Variants in KCNK12 observed in about 807,000 individuals in gnomAD.
KCNK12 encodes potassium two pore domain channel subfamily K member 12, also known as potassium channel subfamily K member 12.
KCNK12 carries 6 observed loss-of-function variants against 25.3 expected under a neutral mutation model. The observed-to-expected ratio is 0.24, with a 90% CI of 0.13 to 0.47. The LOEUF is 0.47. Ranked by LOEUF, KCNK12 falls within the 20% of genes least tolerant of loss-of-function variation. The pLI is 0.99. For synonymous variants in KCNK12, 331 were observed against 311.1 expected (o/e 1.06, Z -0.67); for missense variants, 444 against 661.7 (o/e 0.67, Z 3.61).
intron 1 of KCNK12, among the ~76,000 whole-genome samples, chr2:47,522,631 T>C (rs1033949431): frequency 2.6e-5 from 4 of 152,220 alleles, no homozygotes. Context: ...TATGCCACCA[T>C]GTCCAGTGAA....
At position 47,512,233 on chromosome 2, in the gene KCNK12, C is replaced by T; in HGVS notation, c.*8674G>A. 3.8e-6 allele frequency: 6 copies of T among 1,573,736 alleles called. No homozygotes were observed. The highest frequency in any genetic ancestry group is 3.5e-4 in the Middle Eastern group (2 of 5,634). ...GGGTCAGGTACTCTGCAGATGTTTG[C>T]TGAGTATCGTTCTTGATGGAAATCC... On this transcript the variant is annotated 3_prime_UTR_variant, in exon 2 of 2. Transcript: ENST00000327876.
intron 1 of KCNK12, among the ~76,000 whole-genome samples, chr2:47,541,627 A>G (rs546656517): frequency 6.6e-6 from 1 of 152,304 alleles, no homozygotes; most frequent in East Asian, 1.9e-4. Context: ...GGCTTTTTAA[A>G]AAAGGGAATC....
At position 47,551,606 on chromosome 2, in the gene KCNK12, T is replaced by A. The variant is rs1669431885; in HGVS notation, c.391+18335A>T. Among the ~76,000 whole-genome samples, 1 of 152,214 alleles carries A rather than the reference T, an allele frequency of 6.6e-6. No homozygotes were observed. The highest frequency in any genetic ancestry group is 2.4e-5 in the African/African-American group (1 of 41,460). On this transcript the variant is annotated intron_variant, in intron 1 of 1. Transcript: ENST00000327876. This position sits in a 1 kb window ranked among gnomAD's most constrained non-coding sequence, Gnocchi z 5.3. Reference sequence around the variant, plus strand: ...GGAATCATGTTTTCTGGATGCCAAATTAGAATACAGGGCCTGCTAACTGTT... The same window carrying A: ...GGAATCATGTTTTCTGGATGCCAAAATAGAATACAGGGCCTGCTAACTGTT...
At position 47,568,306 on chromosome 2, in the gene KCNK12, TA is replaced by T. The variant is rs60947829; in HGVS notation, c.391+1634del. Among the ~76,000 whole-genome samples, 492 of 142,974 alleles carry T rather than the reference TA, an allele frequency of 3.4e-3. 1 individual carries two copies. Among genetic ancestry groups the T allele is most frequent in the African/African-American group, 8.4e-3 (333 of 39,596 alleles). 93.8% of individuals were successfully genotyped at this position (142,974 alleles called of 152,430 possible). On this transcript the variant is annotated intron_variant, in intron 1 of 1. Coordinates refer to ENST00000327876, the MANE Select transcript of KCNK12 (RefSeq NM_022055.2). ...GCATCCTTAGTACTTTTAAAGCACT[TA>T]AAAAAAAAAAAACTCTAGTTGCTAT...
Position 47,512,489 on chromosome 2 carries a change from C to T in KCNK12, c.*8418G>A, listed in dbSNP as rs1668428205. ...TTTCATTTGTAATTCTACAAACATC[C>T]CTTCTGTAAACATTTCCCTCAAAAT... is the stretch of plus-strand genomic sequence containing the variant. On this transcript the variant is annotated 3_prime_UTR_variant, in exon 2 of 2. Transcript: ENST00000327876. 2 of 1,514,816 alleles carry T rather than the reference C, an allele frequency of 1.3e-6. No homozygotes were observed. The highest frequency in any genetic ancestry group is 8.9e-7 in the Non-Finnish European group (1 of 1,125,384). The allele number at this position is 1,514,816 out of a possible 1,614,324, so 93.8% of individuals were successfully genotyped here.
chr2:47,513,029 C>G lies in KCNK12; in HGVS notation c.*7878G>C, dbSNP rs1048143863. On this transcript the variant is annotated 3_prime_UTR_variant, in exon 2 of 2. Coordinates refer to ENST00000327876, the MANE Select transcript of KCNK12 (RefSeq NM_022055.2). The stretch of plus-strand genomic sequence containing the variant: ...CTATATTAGGTCATGTGACAAAGTT[C>G]TGGCCAGTGGCAAGGGAACACAAGT... 2.0e-5 allele frequency: 3 copies of G among 153,844 alleles called. No individual in the cohort carries two copies. Among genetic ancestry groups the G allele is most frequent in the Non-Finnish European group, 4.3e-5 (3 of 69,200 alleles). 9.5% of individuals were successfully genotyped at this position (153,844 alleles called of 1,614,324 possible).
At chr2:47,546,026 G>C (rs1669305751) in intron 1 of KCNK12, among the ~76,000 whole-genome samples, 1 of 152,050 alleles carries the variant, frequency 6.6e-6, no homozygotes, top group Non-Finnish European at 1.5e-5. Flanking sequence ...AGAGAAAGAG[G>C]CAACTATGGA....
In KCNK12 at chr2:47,560,819, T is replaced by C. The variant is rs1014084206; in HGVS notation, c.391+9122A>G. The stretch of plus-strand genomic sequence containing the variant: ...CCCCTCACTCCCCAGAACAAAGGCA[T>C]TGGCTGCTGGCATGATGGAGAGTTT... On this transcript the variant is annotated intron_variant, in intron 1 of 1. Coordinates refer to ENST00000327876, the MANE Select transcript of KCNK12 (RefSeq NM_022055.2). The surrounding 1 kb of genome is among the most constrained non-coding windows in gnomAD (Gnocchi z 4.7). Among the ~76,000 whole-genome samples the C allele has an allele frequency of 3.3e-5, 5 of 152,114 alleles. No individual in the cohort carries two copies. The highest frequency in any genetic ancestry group is 1.2e-4 in the African/African-American group (5 of 41,414).
In KCNK12 at chr2:47,521,321, C is replaced by T. The variant is rs1274009288; in HGVS notation, c.879G>A (p.Ser293=). 6.2e-7 allele frequency: 1 copy of T among 1,613,468 alleles called. No homozygotes were observed. The highest frequency in any genetic ancestry group is 2.2e-5 in the East Asian group (1 of 44,848). ...TGAGGATGGAGATGACGTTGAAGAGCGAGTAAATGCAGCACACGCCGAGCA... is the reference window on the plus strand; with the variant it reads ...TGAGGATGGAGATGACGTTGAAGAGTGAGTAAATGCAGCACACGCCGAGCA... ...FILLGVCCIY[S]LFNVISILIK... is the part of the protein sequence containing the mutation. The change falls in exon 2 of 2, where the codon TCG becomes TCA. Residue 293 remains serine, a synonymous_variant. Transcript: ENST00000327876.
intron 1 of KCNK12, chr2:47,534,779 C>G (rs1293475355): frequency 5.6e-6 from 1 of 177,916 alleles, no homozygotes; most frequent in Non-Finnish European, 1.2e-5. Flanking sequence ...GGGAGACAGA[C>G]CAGCCAGGCG....
chr2:47,521,118 C>T lies in KCNK12; in HGVS notation c.1082G>A (p.Gly361Asp). 1 of 1,278,784 alleles carries T rather than the reference C, an allele frequency of 7.8e-7. No individual in the cohort carries two copies. The highest frequency in any genetic ancestry group is 9.9e-7 in the Non-Finnish European group (1 of 1,014,214). 79.2% of individuals were successfully genotyped at this position (1,278,784 alleles called of 1,614,324 possible). Reference protein sequence around the residue: ...DPAARDSDAEGRRLSGELISM... With the variant: ...DPAARDSDAEDRRLSGELISM... Reference sequence around the variant, plus strand: ...GATGAGCTCGCCCGAGAGGCGGCGGCCCTCGGCGTCGCTGTCGCGGGCCGC... The same window carrying T: ...GATGAGCTCGCCCGAGAGGCGGCGGTCCTCGGCGTCGCTGTCGCGGGCCGC... Residue 361 changes from glycine (G) to aspartate (D), a missense_variant, in exon 2 of 2, where the codon GGC becomes GAC. Gly to Asp is a moderately conservative substitution (Grantham distance 94). Transcript: ENST00000327876.
intron 1 of KCNK12, among the ~76,000 whole-genome samples, chr2:47,536,321 G>C (rs1052683687): frequency 3.9e-5 from 6 of 152,204 alleles, no homozygotes; most frequent in African/African-American, 1.4e-4. Context: ...CATTGTCCCA[G>C]AGATTTAACC....
rs544273735 is a variant in KCNK12 at position 47,538,063 on chromosome 2, G to A, written c.392-16255C>T. On this transcript the variant is annotated intron_variant, in intron 1 of 1. Transcript: ENST00000327876. This position sits in a 1 kb window ranked among gnomAD's most constrained non-coding sequence, Gnocchi z 4.5. ...CCCTGAGGAACTTCAGTATCTAAAG[G>A]GCAGAAGAGGAGTCTATGAAGGAGA... Among the ~76,000 whole-genome samples the A allele has an allele frequency of 3.3e-5, 5 of 152,266 alleles. No individual in the cohort carries two copies. The highest frequency in any genetic ancestry group is 3.3e-4 in the Admixed American group (5 of 15,302).
chr2:47,548,653 T>G lies in KCNK12; in HGVS notation c.391+21288A>C, dbSNP rs993818793. 1.6e-4 allele frequency among the ~76,000 whole-genome samples: 24 copies of G among 152,138 alleles called. No individual in the cohort carries two copies. The highest frequency in any genetic ancestry group is 5.8e-4 in the African/African-American group (24 of 41,412). ...GGGCGTAGCTGAATCCAGACTTCCC[T>G]CCCACCATAATCAACCAGGAAACCG... is the stretch of plus-strand genomic sequence containing the variant. On this transcript the variant is annotated intron_variant, in intron 1 of 1. Transcript: ENST00000327876. This position sits in a 1 kb window ranked among gnomAD's most constrained non-coding sequence, Gnocchi z 4.4.
rs1007763241 is a variant in KCNK12 at position 47,517,578 on chromosome 2, A to ATG, written c.*3327_*3328dup. The ATG allele has an allele frequency of 2.0e-5, 3 of 151,870 alleles. No individual in the cohort carries two copies. The highest frequency in any genetic ancestry group is 2.9e-5 in the Non-Finnish European group (2 of 67,988). The allele number at this position is 151,870 out of a possible 1,614,324, so 9.4% of individuals were successfully genotyped here. On this transcript the variant is annotated 3_prime_UTR_variant, in exon 2 of 2. Coordinates refer to ENST00000327876, the MANE Select transcript of KCNK12 (RefSeq NM_022055.2). This position sits in a 1 kb window ranked among gnomAD's most constrained non-coding sequence, Gnocchi z 4.1. ...GTAGCTCTTTGTAAGGCTGGTGTGT[A>ATG]TGTGTGTGTGTATATATATATACAT...
chr2:47,535,321 C>G (rs1489317638), intron 1 of KCNK12: 1 of 233,034 alleles, frequency 4.3e-6, no homozygotes, highest in Admixed American at 5.6e-5. Flanking sequence ...AAGGGGCTGC[C>G]CACAGCACCT....
intron 1 of KCNK12, among the ~76,000 whole-genome samples, chr2:47,531,525 C>T (rs1668929272): frequency 6.6e-6 from 1 of 151,396 alleles, no homozygotes; most frequent in Non-Finnish European, 1.5e-5. Flanking sequence ...GGAGCAGAGG[C>T]CTAGGCTTGG....
At position 47,570,224 on chromosome 2, in the gene KCNK12, G is replaced by A. The variant is rs762546781; in HGVS notation, c.108C>T (p.Thr36=). The change falls in exon 1 of 2, where the codon ACC becomes ACT. Residue 36 remains threonine, a synonymous_variant. Transcript: ENST00000327876. The stretch of plus-strand genomic sequence containing the variant: ...GCGCCGCCAGCAGCACGAAGCGGCC[G>A]GTGTCCTCGTTGAGGTGCGAACGGC... The part of the protein sequence containing the change: ...CCRRSHLNED[T]GRFVLLAALI... 2.0e-6 allele frequency: 3 copies of A among 1,485,120 alleles called. No individual in the cohort carries two copies. Among genetic ancestry groups the A allele is most frequent in the South Asian group, 2.5e-5 (2 of 79,950 alleles). The allele number at this position is 1,485,120 out of a possible 1,614,324, so 92.0% of individuals were successfully genotyped here. A position where few individuals can be genotyped will look rare whatever the true frequency, so the allele number is the denominator to read the frequency against.
chr2:47,510,259 C>G lies in KCNK12; in HGVS notation c.*10648G>C, dbSNP rs11891189. ...TGGCAGAGCGGGAAGGAGGAGCCAG[C>G]CTTACCGATGGCATCACTGTCACTG... On this transcript the variant is annotated 3_prime_UTR_variant, in exon 2 of 2. Coordinates refer to ENST00000327876, the MANE Select transcript of KCNK12 (RefSeq NM_022055.2). The G allele has an allele frequency of 0.24, 37,226 of 152,132 alleles. 4,845 individuals are homozygous for G. The highest frequency in any genetic ancestry group is 0.5 in the East Asian group (2,586 of 5,174). 9.4% of individuals were successfully genotyped at this position (152,132 alleles called of 1,614,324 possible). A position where few individuals can be genotyped will look rare whatever the true frequency, so the allele number is the denominator to read the frequency against.
Sources: gnomAD v4.1 joint callset for allele counts (sites outside exome capture counted in the v4.1 genomes callset) on GRCh38, gnomAD v4.1.1 for gene constraint, Gnocchi (gnomAD v3.1) non-coding constraint, MANE v1.5 for transcripts, NCBI Gene and HGNC (gene_info 2026-07-23, HGNC 2026-07-21) for gene names.